Variants in DDX60 observed in about 807,000 individuals in gnomAD.
DDX60 encodes probable ATP-dependent RNA helicase DDX60.
Under a neutral mutation model 212.8 loss-of-function variants are expected in DDX60, and 165 were observed. The ratio of observed to expected loss-of-function variants is 0.78; its 90% CI spans 0.68 to 0.88. The LOEUF is 0.88. Among genes scored for constraint, DDX60 ranks in the 40% least tolerant of loss-of-function variants. The pLI is 0.00. For synonymous variants in DDX60, 703 were observed against 685.3 expected (o/e 1.03, Z -0.40); for missense variants, 1,905 against 2,003.9 (o/e 0.95, Z 0.94).
At position 168,252,550 on chromosome 4, in the gene DDX60, G is replaced by A. The variant is rs1194921676; in HGVS notation, c.3664C>T (p.Gln1222Ter). 4 of 1,614,038 alleles carry A rather than the reference G, an allele frequency of 2.5e-6. No homozygotes were observed. Among genetic ancestry groups the A allele is most frequent in the Middle Eastern group, 1.7e-4 (1 of 6,060 alleles). ...KCLEKNLEIP[Q>*]DCTYADQKAV... ...TTTTGATCAGCATATGTGCAGTCCT[G>A]TGGGATTTCCAGGTTCTTCTCTAGA... is the stretch of plus-strand genomic sequence containing the variant. Residue 1222 changes from glutamine (Q) to a stop codon, truncating the protein, a stop_gained, in exon 27 of 38, where the codon CAG (glutamine) becomes TAG (stop). Transcript: ENST00000393743. LOFTEE classifies it high-confidence loss of function.
Position 168,272,029 on chromosome 4 carries a change from A to G in DDX60, c.2670+14T>C. The G allele has an allele frequency of 6.4e-7, 1 of 1,561,032 alleles. No individual in the cohort carries two copies. Among genetic ancestry groups the G allele is most frequent in the Non-Finnish European group, 8.7e-7 (1 of 1,148,708 alleles). On this transcript the variant is annotated intron_variant, in intron 19 of 37. Transcript: ENST00000393743. ...GCACTAGGGAATTAAGCAAAGAAAG[A>G]ACACCAAACCTACCTCATCAAATAT...
chr4:168,258,368 G>C (rs1734497465), intron 25 of DDX60, among the ~76,000 whole-genome samples: 1 of 152,200 alleles, frequency 6.6e-6, no homozygotes, highest in African/African-American at 2.4e-5. Flanking sequence ...CCAAGTTTGG[G>C]TCTGGCCATG....
chr4:168,303,151 A>C (rs1736718510), intron 5 of DDX60, among the ~76,000 whole-genome samples: 1 of 151,904 alleles, frequency 6.6e-6, no homozygotes, highest in African/African-American at 2.4e-5. Flanking sequence ...AAATGCAAAA[A>C]ATTAGCCGGG....
At chr4:168,227,144 T>C (rs2149492155) in intron 33 of DDX60, among the ~76,000 whole-genome samples, 1 of 152,052 alleles carries the variant, frequency 6.6e-6, no homozygotes, top group South Asian at 2.1e-4. Context: ...AGTGATGTTA[T>C]CCTTACAAAG....
At chr4:168,230,274 G>A (rs1453447589) in intron 33 of DDX60, among the ~76,000 whole-genome samples, 1 of 151,844 alleles carries the variant, frequency 6.6e-6, no homozygotes, top group African/African-American at 2.4e-5. Context: ...TAATAGTGGG[G>A]GACTTCAATA....
At chr4:168,224,451 T>C (rs1045828748) in intron 34 of DDX60, 66 bp from the exon 35 acceptor site, 50 of 1,507,014 alleles carry the variant, frequency 3.3e-5, no homozygotes, top group Non-Finnish European at 4.2e-5. Flanking sequence ...CCTCAGATAC[T>C]TTCTCTAGAC....
intron 37 of DDX60, among the ~76,000 whole-genome samples, chr4:168,217,428 G>A (rs1057286463): frequency 5.3e-5 from 8 of 152,088 alleles, no homozygotes; most frequent in Admixed American, 1.3e-4. Context: ...CTACATCTAC[G>A]AAGAGGAAAA....
At chr4:168,256,426 C>A (rs895331779) in intron 25 of DDX60, among the ~76,000 whole-genome samples, 2 of 152,122 alleles carry the variant, frequency 1.3e-5, no homozygotes, top group African/African-American at 4.8e-5. Context: ...CTTTATACTT[C>A]TTGAAATGTA....
At chr4:168,295,898 A>C (rs1417249861) in intron 6 of DDX60, among the ~76,000 whole-genome samples, 2 of 152,208 alleles carry the variant, frequency 1.3e-5, no homozygotes, top group Non-Finnish European at 2.9e-5. Context: ...AGGTGAAATA[A>C]GCCAAGACAA....
chr4:168,284,794 T>C (rs370935111), intron 12 of DDX60, 26 bp downstream of exon 12: 59 of 1,146,574 alleles, frequency 5.1e-5, no homozygotes, highest in East Asian at 5.1e-4. Context: ...GATTTAAATT[T>C]ATATCACTGG....
At chr4:168,255,112 T>C (rs564430357) in intron 26 of DDX60, among the ~76,000 whole-genome samples, 6 of 152,276 alleles carry the variant, frequency 3.9e-5, no homozygotes, top group Non-Finnish European at 8.8e-5. Context: ...AGGCAAGATA[T>C]GATGAGCTTC....
chr4:168,280,210 T>C (rs1234399097), intron 14 of DDX60, 125 bp downstream of exon 14: 3 of 1,213,972 alleles, frequency 2.5e-6, no homozygotes, highest in African/African-American at 1.5e-5. Context: ...AAGGTAATAA[T>C]GTATAAAGTA....
intron 8 of DDX60, among the ~76,000 whole-genome samples, chr4:168,289,737 C>G (rs917314197): frequency 1.3e-5 from 2 of 152,208 alleles, no homozygotes; most frequent in African/African-American, 4.8e-5. Context: ...CACAAATGCT[C>G]AAGCCAGGGG....
rs777766994 is a variant in DDX60, at chr4:168,274,058, T to C, written c.2330A>G (p.Lys777Arg). ...WQRELLDVVD[K>R]NESAVIVAPT... is the part of the protein sequence containing the mutation. ...GGCAACAATCACTGCTGACTCATTCTTATCCACAACATCAAGGAGCTCTCG... is the reference window on the plus strand; with the variant it reads ...GGCAACAATCACTGCTGACTCATTCCTATCCACAACATCAAGGAGCTCTCG... Residue 777 changes from lysine (K) to arginine (R), a missense_variant, in exon 17 of 38, where the codon AAG (lysine) becomes AGG (arginine). Lys to Arg is a conservative substitution (Grantham distance 26, BLOSUM62 2). Transcript: ENST00000393743. The C allele has an allele frequency of 1.9e-6, 3 of 1,614,200 alleles. No homozygotes were observed. The Admixed American group carries it at 5.0e-5, about 27-fold the overall frequency.
intron 6 of DDX60, among the ~76,000 whole-genome samples, chr4:168,297,882 C>T (rs933520246): frequency 6.6e-6 from 1 of 151,708 alleles, no homozygotes; most frequent in African/African-American, 2.4e-5. Flanking sequence ...TAGAACAAGA[C>T]TCTGTCTCAA....
intron 31 of DDX60, 111 bp from the exon 32 acceptor site, chr4:168,237,538 A>T: frequency 8.1e-7 from 1 of 1,228,094 alleles, no homozygotes; most frequent in Non-Finnish European, 1.1e-6. Flanking sequence ...AATATTTATA[A>T]CTATTACTGG....
rs1441425725 is a variant in DDX60 at position 168,252,593 on chromosome 4, A to G, written c.3621T>C (p.His1207=). ...VDQSLIHEAE[H]DNLVKCLEKN... is the part of the protein sequence containing the mutation. The stretch of plus-strand genomic sequence containing the variant: ...TCTCTAGACACTTCACTAGATTATC[A>G]TGTTCAGCTTCATGTATTAGGCTTT... Residue 1207 remains histidine, a synonymous_variant, in exon 27 of 38, where the codon CAT becomes CAC. Transcript: ENST00000393743. 6.8e-6 allele frequency: 11 copies of G among 1,613,634 alleles called. No individual in the cohort carries two copies. The highest frequency in any genetic ancestry group is 9.3e-6 in the Non-Finnish European group (11 of 1,179,820).
chr4:168,272,582 C>T (rs1297999072), intron 18 of DDX60, among the ~76,000 whole-genome samples: 1 of 152,184 alleles, frequency 6.6e-6, no homozygotes, highest in Non-Finnish European at 1.5e-5. Flanking sequence ...CAACCTAGCT[C>T]GCAGTTCTGG....
intron 25 of DDX60, among the ~76,000 whole-genome samples, chr4:168,257,964 G>A (rs891097820): frequency 3.9e-5 from 6 of 152,220 alleles, no homozygotes; most frequent in Non-Finnish European, 8.8e-5. Flanking sequence ...TACTGGGTGG[G>A]TGTTCTTTCA....
Sources: gnomAD v4.1 joint callset for allele counts (sites outside exome capture counted in the v4.1 genomes callset) on GRCh38, gnomAD v4.1.1 for gene constraint, MANE v1.5 for transcripts, NCBI Gene and HGNC (gene_info 2026-07-23, HGNC 2026-07-21) for gene names.